The following KCNMB3 variants were observed in gnomAD, a reference collection of about 807,000 sequenced individuals.
KCNMB3 encodes calcium-activated potassium channel subunit beta-3.
A neutral mutation model predicts 11.9 loss-of-function variants in KCNMB3; 18 were observed. That is an observed-to-expected ratio of 1.51 (90% CI 1.04 to 2.23). KCNMB3 has a LOEUF of 2.23. KCNMB3 is among the 30% of genes most tolerant of loss of function. The pLI, the probability that KCNMB3 is intolerant of heterozygous loss-of-function variation, is 0.00. For missense variants in KCNMB3, 247 were observed against 329.4 expected, an observed-to-expected ratio of 0.75 and a Z score of 1.94; for synonymous variants, 78 against 119.2, an observed-to-expected ratio of 0.65 and a Z score of 2.25.
upstream of KCNMB3, among the ~76,000 whole-genome samples, chr3:179,254,583 G>A (rs551217125): frequency 1.3e-5 from 2 of 152,230 alleles, no homozygotes; most frequent in South Asian, 4.1e-4. Context: ...GGTCGAGGTG[G>A]GCGAATCATG....
chr3:179,257,225 C>T (rs1207481275), intron 1 of KCNMB3, among the ~76,000 whole-genome samples: 1 of 152,112 alleles, frequency 6.6e-6, no homozygotes, highest in Non-Finnish European at 1.5e-5. Flanking sequence ...TAGATGGTCC[C>T]CCAACTTAAG....
intron 1 of KCNMB3, among the ~76,000 whole-genome samples, chr3:179,263,004 G>A (rs1360465054): frequency 2.6e-5 from 4 of 152,222 alleles, no homozygotes; most frequent in Admixed American, 6.5e-5. Flanking sequence ...AGTGGATCCC[G>A]CACCGGGGCC....
At chr3:179,261,310 G>A in intron 1 of KCNMB3, 1 of 1,234,380 alleles carries the variant, frequency 8.1e-7, no homozygotes, top group South Asian at 3.1e-5. Flanking sequence ...GGCGGGAAAC[G>A]CTCGGGGACC....
downstream of KCNMB3, chr3:179,241,327 T>C (rs2108435881): frequency 2.6e-5 from 4 of 154,152 alleles, 1 homozygote; most frequent in Middle Eastern, 1.8e-3. Flanking sequence ...CCCAAAGTTG[T>C]AATTATGGCC....
chr3:179,251,300 C>T, upstream of KCNMB3: 1 of 1,447,364 alleles, frequency 6.9e-7, no homozygotes. Context: ...TGTTTACATT[C>T]TCCTTTGAAT....
At chr3:179,249,652 A>C (rs1417909433) in intron 1 of KCNMB3, among the ~76,000 whole-genome samples, 1 of 152,210 alleles carries the variant, frequency 6.6e-6, no homozygotes, top group Non-Finnish European at 1.5e-5. Context: ...CAGCCTGGCG[A>C]CAGAGCAAGA....
upstream of KCNMB3, among the ~76,000 whole-genome samples, chr3:179,251,829 C>T (rs1315191979): frequency 6.6e-6 from 1 of 152,068 alleles, no homozygotes; most frequent in African/African-American, 2.4e-5. Context: ...TCAAGCGATT[C>T]TCCTGCCTCA....
intron 1 of KCNMB3, chr3:179,258,883 A>C: frequency 1.3e-6 from 2 of 1,589,218 alleles, no homozygotes; most frequent in Non-Finnish European, 1.7e-6. Flanking sequence ...CTATAACTTA[A>C]AGCAGTAGAT....
At chr3:179,240,084 A>C (rs1725414958), downstream of KCNMB3, 1 of 1,497,432 alleles carries the variant, frequency 6.7e-7, no homozygotes, top group African/African-American at 1.4e-5. Context: ...AAAAAAAAAA[A>C]GAAAAATTAC....
intron 1 of KCNMB3, among the ~76,000 whole-genome samples, chr3:179,247,536 A>T (rs1306668935): frequency 6.6e-6 from 1 of 152,142 alleles, no homozygotes; most frequent in Non-Finnish European, 1.5e-5. Flanking sequence ...ACAAACATGT[A>T]ATCTGCAGAC....
chr3:179,240,202 T>C, downstream of KCNMB3: 1 of 584,040 alleles, frequency 1.7e-6, no homozygotes. Flanking sequence ...TAATCAAAAT[T>C]TAGCTGAATT....
chr3:179,266,727 G>T (rs1576967261), exon 1 of KCNMB3: 1 of 1,613,788 alleles, frequency 6.2e-7, no homozygotes, highest in East Asian at 2.2e-5. Context: ...AGGGGTCTGA[G>T]AAAATGGCTC....
upstream of KCNMB3, among the ~76,000 whole-genome samples, chr3:179,251,923 T>C (rs9817020): frequency 0.47 from 70,669 of 151,936 alleles, 17,138 homozygotes; most frequent in African/African-American, 0.56. Context: ...TGTTTCACCA[T>C]GTTGGCCATA....
chr3:179,244,678 T>C lies in KCNMB3; in HGVS notation c.264A>G (p.Glu88=). 2 of 1,613,382 alleles carry C rather than the reference T, an allele frequency of 1.2e-6. No individual in the cohort carries two copies. The highest frequency in any genetic ancestry group is 1.7e-6 in the Non-Finnish European group (2 of 1,179,850). The change falls in exon 2 of 3, where the codon GAA becomes GAG. Residue 88 remains glutamate, a synonymous_variant. Transcript: ENST00000392685. ...KPFMLSIQRE[E]STCTAIHTDI... is the part of the protein sequence containing the mutation. ...CTGTGTGGATGGCAGTGCAGGTCGATTCTTCTCTCTGAATGCTTCAATTTG... is the reference window on the plus strand; with the variant it reads ...CTGTGTGGATGGCAGTGCAGGTCGACTCTTCTCTCTGAATGCTTCAATTTG...
chr3:179,261,984 A>T (rs1041706566), intron 1 of KCNMB3, among the ~76,000 whole-genome samples: 2 of 152,254 alleles, frequency 1.3e-5, no homozygotes, highest in African/African-American at 4.8e-5. Flanking sequence ...ATTTAAAAAT[A>T]AGTGTTTTAA....
chr3:179,240,039 T>C (rs1298293079), downstream of KCNMB3: 2 of 1,548,818 alleles, frequency 1.3e-6, no homozygotes, highest in South Asian at 1.2e-5. Context: ...CTGCTTTTCT[T>C]TAACTCTGCA....
rs765509445 is a variant in KCNMB3, at chr3:179,242,900, C to T, written c.*4G>A. 7 of 1,574,322 alleles carry T rather than the reference C, an allele frequency of 4.4e-6. No individual in the cohort carries two copies. Among genetic ancestry groups the T allele is most frequent in the Admixed American group, 1.8e-5 (1 of 55,236 alleles). On this transcript the variant is annotated 3_prime_UTR_variant, in exon 3 of 3. Transcript: ENST00000392685. ...AAGGCCAGCACTTTAATTTGGCCAC[C>T]GTCTTAAGATTTCTCTGCTCTTCCT...
chr3:179,259,596 T>C (rs1053066424), intron 1 of KCNMB3: 3 of 1,608,440 alleles, frequency 1.9e-6, no homozygotes, highest in African/African-American at 1.3e-5. Flanking sequence ...CACTGCTGAC[T>C]TTCTGTCAGT....
At chr3:179,255,987 A>C (rs1415836354), upstream of KCNMB3, among the ~76,000 whole-genome samples, 3 of 152,364 alleles carry the variant, frequency 2.0e-5, no homozygotes, top group East Asian at 5.8e-4. Flanking sequence ...TCAGACAAAG[A>C]CATTTCAAAC....
Sources: allele counts gnomAD v4.1 joint callset (sites outside exome capture counted in the v4.1 genomes callset), GRCh38; gene constraint gnomAD v4.1.1; transcripts MANE v1.5; gene names NCBI Gene and HGNC (gene_info 2026-07-23, HGNC 2026-07-21).